Variants in RSF1 observed in about 807,000 individuals in gnomAD.
RSF1 encodes remodeling and spacing factor 1, also known as HBV pX-associated protein 8.
RSF1 carries 13 observed loss-of-function variants against 145.2 expected under a neutral mutation model. That is an observed-to-expected ratio of 0.09 (90% CI 0.06 to 0.14). The LOEUF (loss-of-function observed/expected upper bound fraction) is 0.14. RSF1 is among the 10% of genes least tolerant of loss of function. The probability of loss-of-function intolerance (pLI) is 1.00; values close to 1 mark genes in which losing one functional copy is unlikely to be tolerated. For synonymous variants in RSF1, 577 were observed against 592.6 expected (o/e 0.97, Z 0.38); for missense variants, 1,517 against 1,718.2 (o/e 0.88, Z 2.07).
At position 77,820,412 on chromosome 11, in the gene RSF1, G is replaced by A. The variant is rs7117150; in HGVS notation, c.187+116C>T. 8.9e-5 allele frequency: 100 copies of A among 1,121,438 alleles called. 2 individuals are homozygous for A. In the South Asian group the frequency reaches 1.5e-3, roughly 17 times the overall value. The allele number at this position is 1,121,438 out of a possible 1,614,324, so 69.5% of individuals were successfully genotyped here. On this transcript the variant is annotated intron_variant, in intron 1 of 15. Transcript: ENST00000308488. ...ACCAGCCCGGCGGAGTTGCGTCCCAGGGGGAAGACAGAGCCGCGGAGGCCC... is the reference window on the plus strand; with the variant it reads ...ACCAGCCCGGCGGAGTTGCGTCCCAAGGGGAAGACAGAGCCGCGGAGGCCC...
At chr11:77,782,203 C>T (rs1443752020) in intron 1 of RSF1, among the ~76,000 whole-genome samples, 1 of 152,022 alleles carries the variant, frequency 6.6e-6, no homozygotes, top group Non-Finnish European at 1.5e-5. Context: ...TTAGTGGTGA[C>T]ATATTGGAGA....
In RSF1 at chr11:77,678,168, A is replaced by C; in HGVS notation, c.3066-15T>G. The C allele has an allele frequency of 1.3e-6, 2 of 1,530,466 alleles. No individual in the cohort carries two copies. Among genetic ancestry groups the C allele is most frequent in the Non-Finnish European group, 1.8e-6 (2 of 1,110,350 alleles). 94.8% of individuals were successfully genotyped at this position (1,530,466 alleles called of 1,614,324 possible). ...ACTCATCAAATCTAAAATATACACA[A>C]TGATCACATTATAGCCTGTCCTGGC... On this transcript the variant is annotated splice_polypyrimidine_tract_variant and intron_variant, in intron 11 of 15. Transcript: ENST00000308488.
chr11:77,857,493 A>G, the RSF1 span, among the ~76,000 whole-genome samples: 3 of 152,174 alleles, frequency 2.0e-5, no homozygotes, highest in East Asian at 5.8e-4. Flanking sequence ...GGAAGCTCTA[A>G]AGTCATATAA....
chr11:77,731,443 AT>A (rs1961204899), intron 4 of RSF1, among the ~76,000 whole-genome samples: 1 of 152,200 alleles, frequency 6.6e-6, no homozygotes, highest in African/African-American at 2.4e-5. Context: ...AGAAAATCCC[AT>A]TTTCTGAGGA....
intron 7 of RSF1, among the ~76,000 whole-genome samples, chr11:77,695,916 T>C (rs190197585): frequency 6.6e-6 from 1 of 152,332 alleles, no homozygotes; most frequent in Admixed American, 6.5e-5. Context: ...ATGGCTCCTA[T>C]TATTTACACT....
Position 77,772,417 on chromosome 11 carries a change from G to A in RSF1, c.188-7728C>T, listed in dbSNP as rs141930673. On this transcript the variant is annotated intron_variant, in intron 1 of 15. Coordinates refer to ENST00000308488, the MANE Select transcript of RSF1 (RefSeq NM_016578.4). ...TCAAACTCCGGGGCTCAAGCGATCC[G>A]CCCATCTTGGCCTCCCAAAGTGCTG... Among the ~76,000 whole-genome samples, 1,454 of 152,178 alleles carry A rather than the reference G, an allele frequency of 9.6e-3. 23 individuals are homozygous for A. Among genetic ancestry groups the A allele is most frequent in the African/African-American group, 0.032 (1,327 of 41,522 alleles).
rs568217981 is a variant in RSF1, at chr11:77,741,596, T to C, written c.373-660A>G. On this transcript the variant is annotated intron_variant, in intron 3 of 15. Coordinates refer to ENST00000308488, the MANE Select transcript of RSF1 (RefSeq NM_016578.4). ...TTTATTTAAAATGACAAATAAAAAT[T>C]GCATATATTTATGGTATACACCATG... 1.4e-3 allele frequency among the ~76,000 whole-genome samples: 213 copies of C among 152,252 alleles called. 1 individual carries two copies. The highest frequency in any genetic ancestry group is 4.9e-3 in the African/African-American group (204 of 41,544).
intron 2 of RSF1, among the ~76,000 whole-genome samples, chr11:77,750,777 A>T (rs1227252760): frequency 6.6e-6 from 1 of 152,226 alleles, no homozygotes; most frequent in Non-Finnish European, 1.5e-5. Context: ...AATATCTAAA[A>T]CATGAACAAT....
intron 1 of RSF1, among the ~76,000 whole-genome samples, chr11:77,778,680 T>C (rs748270592): frequency 6.6e-5 from 10 of 152,180 alleles, no homozygotes; most frequent in Non-Finnish European, 1.0e-4. Context: ...TGAGTCTCAC[T>C]ATGTTGCCCA....
chr11:77,734,637 C>T (rs779433973), intron 4 of RSF1: 20 of 1,490,278 alleles, frequency 1.3e-5, no homozygotes, highest in Non-Finnish European at 1.8e-5. Flanking sequence ...TGAAGTCACA[C>T]AAATGGGGGT....
intron 1 of RSF1, among the ~76,000 whole-genome samples, chr11:77,815,655 T>G (rs1165488377): frequency 6.6e-6 from 1 of 152,182 alleles, no homozygotes; most frequent in African/African-American, 2.4e-5. Flanking sequence ...AAAAACTAAG[T>G]CTTTGAATGA....
In RSF1 at chr11:77,672,096, C is replaced by T; in HGVS notation, c.3697G>A (p.Gly1233Ser). The T allele has an allele frequency of 6.2e-7, 1 of 1,613,738 alleles. No individual in the cohort carries two copies. The highest frequency in any genetic ancestry group is 8.5e-7 in the Non-Finnish European group (1 of 1,179,892). ...SDGSQKSLRR[G>S]KEIRRVHKRR... ...TTGTGTACTCGCCTTATTTCTTTAC[C>T]ACGTCGCAAACTCTTCTGGGAACCG... The change falls in exon 15 of 16, where the codon GGT becomes AGT. Residue 1233 changes from glycine to serine, a missense_variant. By Grantham distance (56) the Gly-to-Ser change is moderately conservative. Coordinates refer to ENST00000308488, the MANE Select transcript of RSF1 (RefSeq NM_016578.4).
In RSF1 at chr11:77,663,081, A is replaced by T. The variant is rs1959271083; in HGVS notation, c.*3836T>A. 1.3e-5 allele frequency: 2 copies of T among 152,208 alleles called. No homozygotes were observed. The highest frequency in any genetic ancestry group is 1.3e-4 in the Admixed American group (2 of 15,276). The allele number at this position is 152,208 out of a possible 1,614,324, so 9.4% of individuals were successfully genotyped here. On this transcript the variant is annotated 3_prime_UTR_variant, in exon 16 of 16. Coordinates refer to ENST00000308488, the MANE Select transcript of RSF1 (RefSeq NM_016578.4). ...CTCTGGGTCTTTGAATAGTTGTTCT[A>T]TAGCTGTGAGGCATCACCTTGAATA...
At chr11:77,746,834 C>G (rs1389982381) in intron 3 of RSF1, among the ~76,000 whole-genome samples, 1 of 152,058 alleles carries the variant, frequency 6.6e-6, no homozygotes, top group Non-Finnish European at 1.5e-5. Context: ...ACTGTCCCTA[C>G]AAGAAGAGAT....
intron 5 of RSF1, among the ~76,000 whole-genome samples, chr11:77,711,994 T>C (rs1237815855): frequency 6.9e-6 from 1 of 145,158 alleles, no homozygotes; most frequent in Non-Finnish European, 1.5e-5. Flanking sequence ...TGGTGTTTTC[T>C]CTAGATTAGA....
upstream of RSF1, chr11:77,820,727 G>A (rs1184457041): frequency 1.3e-6 from 2 of 1,542,976 alleles, no homozygotes; most frequent in Admixed American, 2.0e-5. Context: ...TGAACTGGAG[G>A]ATGGAGGAGG....
At chr11:77,855,720 C>CTTTTTTTTTTTT in the RSF1 span, among the ~76,000 whole-genome samples, 1 of 127,978 alleles carries the variant, frequency 7.8e-6, no homozygotes, top group Non-Finnish European at 1.6e-5. Context: ...AGTTTTATGT[C>CTTTTTTTTTTTT]TTTTTTTTTT....
At chr11:77,772,136 T>C (rs995111841) in intron 1 of RSF1, among the ~76,000 whole-genome samples, 1 of 152,110 alleles carries the variant, frequency 6.6e-6, no homozygotes, top group Non-Finnish European at 1.5e-5. Flanking sequence ...AGACATTTAA[T>C]ACTCAAGTCA....
chr11:77,687,361 TAA>T (rs1280241559), intron 9 of RSF1, among the ~76,000 whole-genome samples: 1 of 152,198 alleles, frequency 6.6e-6, no homozygotes, highest in Non-Finnish European at 1.5e-5. Flanking sequence ...GTGTATGATA[TAA>T]AGTCATAATT....
Sources: gnomAD v4.1 joint callset for allele counts (sites outside exome capture counted in the v4.1 genomes callset) on GRCh38, gnomAD v4.1.1 for gene constraint, MANE v1.5 for transcripts, NCBI Gene and HGNC (gene_info 2026-07-23, HGNC 2026-07-21) for gene names.